TMEM229B: variants seen among roughly 807,000 people sequenced by gnomAD.
The protein encoded by TMEM229B is chromosome 14 open reading frame 83.
Under a neutral mutation model 13.7 loss-of-function variants are expected in TMEM229B, and 6 were observed. The observed-to-expected ratio is 0.44, with a 90% CI of 0.24 to 0.86. The LOEUF (loss-of-function observed/expected upper bound fraction) is 0.86, where lower values mean the gene tolerates loss of function less well. Among genes scored for constraint, TMEM229B ranks in the 40% least tolerant of loss-of-function variants. TMEM229B has a pLI of 0.23. For synonymous variants in TMEM229B, 107 were observed against 102.1 expected, an observed-to-expected ratio of 1.05 and a Z score of -0.29; for missense variants, 170 against 236.0, an observed-to-expected ratio of 0.72 and a Z score of 1.83.
chr14:67,515,407 C>CCGG (rs552146261), exon 1 of TMEM229B: 14,228 of 178,774 alleles, frequency 0.08, 613 homozygotes, highest in South Asian at 0.16. Flanking sequence ...AAAGGAGCCC[C>CCGG]CGGCGGCGGC....
chr14:67,482,538 CA>C (rs1337654881), intron 2 of TMEM229B, among the ~76,000 whole-genome samples: 1 of 152,212 alleles, frequency 6.6e-6, no homozygotes, highest in Non-Finnish European at 1.5e-5. Flanking sequence ...CCACCCCCAT[CA>C]CTACAGTTCC....
chr14:67,531,181 T>C (rs1238035074), intron 1 of TMEM229B, among the ~76,000 whole-genome samples: 1 of 152,144 alleles, frequency 6.6e-6, no homozygotes, highest in Non-Finnish European at 1.5e-5. Flanking sequence ...CCTGGGAGGC[T>C]GAGGCAGAAG....
intron 2 of TMEM229B, among the ~76,000 whole-genome samples, chr14:67,479,190 G>A (rs2031421538): frequency 6.6e-6 from 1 of 152,042 alleles, no homozygotes; most frequent in African/African-American, 2.4e-5. Flanking sequence ...GGTGGATCAT[G>A]AGGTCAGGAG....
intron 1 of TMEM229B, among the ~76,000 whole-genome samples, chr14:67,495,195 G>T (rs541437773): frequency 1.3e-5 from 2 of 152,184 alleles, no homozygotes; most frequent in African/African-American, 4.8e-5. Flanking sequence ...GTCTCCACTG[G>T]GCACAAAAAT....
At chr14:67,499,386 C>A (rs145455794) in intron 1 of TMEM229B, among the ~76,000 whole-genome samples, 89 of 152,242 alleles carry the variant, frequency 5.8e-4, no homozygotes, top group Middle Eastern at 6.8e-3. Flanking sequence ...AGTTTGGCAC[C>A]TTTGGGAAAT....
rs1219628942 is a variant in TMEM229B at position 67,470,546 on chromosome 14, G to A, written c.*2874C>T. The A allele has an allele frequency of 6.6e-6, 1 of 152,602 alleles. No homozygotes were observed. Among genetic ancestry groups the A allele is most frequent in the Non-Finnish European group, 1.5e-5 (1 of 68,056 alleles). 9.5% of individuals were successfully genotyped at this position (152,602 alleles called of 1,614,324 possible). On this transcript the variant is annotated 3_prime_UTR_variant, in exon 3 of 3. Transcript: ENST00000554480. ...CTCTAACCTGTCTGCATCCCAGGGT[G>A]ATGCCTACACAGCCCAGGGCTTCAT... is the stretch of plus-strand genomic sequence containing the variant.
chr14:67,513,138 T>C (rs2033082691), intron 1 of TMEM229B, among the ~76,000 whole-genome samples: 1 of 152,212 alleles, frequency 6.6e-6, no homozygotes, highest in Non-Finnish European at 1.5e-5. Flanking sequence ...ATTTCCCATC[T>C]TAAGGTCAGT....
rs77783456 is a variant in TMEM229B at position 67,531,975 on chromosome 14, G to A, written c.-192+1661C>T. On this transcript the variant is annotated intron_variant, in intron 1 of 2. Transcript: ENST00000554278. ...GTCTTCTTAGCAAAATCCAGAGAAC[G>A]TGTTTTTGGGCTTCCTTATGCAACT... 7.7e-4 allele frequency among the ~76,000 whole-genome samples: 116 copies of A among 151,326 alleles called. No individual in the cohort carries two copies. The East Asian group carries it at 0.02, about 26-fold the overall frequency.
At chr14:67,482,459 T>C (rs2031640999) in intron 2 of TMEM229B, among the ~76,000 whole-genome samples, 1 of 152,186 alleles carries the variant, frequency 6.6e-6, no homozygotes, top group African/African-American at 2.4e-5. Flanking sequence ...TCCCCTCCCA[T>C]GCAACCGGGC....
intron 2 of TMEM229B, among the ~76,000 whole-genome samples, chr14:67,485,427 A>G (rs111615289): frequency 0.018 from 2,803 of 152,318 alleles, 98 homozygotes; most frequent in African/African-American, 0.064. Flanking sequence ...GTCAACTAGG[A>G]GAGTCAAGAT....
chr14:67,527,175 A>G (rs2033380618), intron 1 of TMEM229B, among the ~76,000 whole-genome samples: 1 of 152,196 alleles, frequency 6.6e-6, no homozygotes, highest in Admixed American at 6.5e-5. Context: ...CTGAGTGGCT[A>G]AAGGCGTGGT....
intron 2 of TMEM229B, among the ~76,000 whole-genome samples, chr14:67,478,674 A>G (rs2031381125): frequency 6.6e-6 from 1 of 152,166 alleles, no homozygotes; most frequent in African/African-American, 2.4e-5. Flanking sequence ...CCTGTCCTCC[A>G]GATCTCTACC....
chr14:67,477,038 C>G (rs780465761), intron 2 of TMEM229B, among the ~76,000 whole-genome samples: 1 of 152,060 alleles, frequency 6.6e-6, no homozygotes, highest in African/African-American at 2.4e-5. Flanking sequence ...TGGTGGCATG[C>G]GCCTATAATC....
At position 67,514,180 on chromosome 14, in the gene TMEM229B, C is replaced by G. The variant is rs575802111; in HGVS notation, c.-192+906G>C. On this transcript the variant is annotated intron_variant, in intron 1 of 2. Coordinates refer to the TMEM229B transcript ENST00000357461. ...TCCAGGGAGAGCCTTGAGCAGTGCCCGAACACTCTGCCCTCCTATCTCCAA... is the reference window on the plus strand; with the variant it reads ...TCCAGGGAGAGCCTTGAGCAGTGCCGGAACACTCTGCCCTCCTATCTCCAA... 2.6e-4 allele frequency among the ~76,000 whole-genome samples: 40 copies of G among 152,274 alleles called. No homozygotes were observed. In the South Asian group the frequency reaches 6.0e-3, roughly 23 times the overall value.
intron 2 of TMEM229B, among the ~76,000 whole-genome samples, chr14:67,476,854 A>T (rs1388959910): frequency 6.6e-6 from 1 of 152,148 alleles, no homozygotes; most frequent in Non-Finnish European, 1.5e-5. Context: ...GGCTGGGCAC[A>T]GTGGCTCACG....
At chr14:67,524,085 C>T (rs2033331268) in intron 1 of TMEM229B, among the ~76,000 whole-genome samples, 1 of 151,990 alleles carries the variant, frequency 6.6e-6, no homozygotes, top group Non-Finnish European at 1.5e-5. Context: ...TTGTAAATGC[C>T]CTGTAGTTGT....
intron 1 of TMEM229B, among the ~76,000 whole-genome samples, chr14:67,512,885 A>G (rs1369449750): frequency 6.6e-6 from 1 of 152,204 alleles, no homozygotes; most frequent in Non-Finnish European, 1.5e-5. Context: ...GATAAAAACT[A>G]CACTTTTAAA....
chr14:67,504,991 T>C (rs1381001646), intron 1 of TMEM229B, among the ~76,000 whole-genome samples: 1 of 152,236 alleles, frequency 6.6e-6, no homozygotes, highest in Non-Finnish European at 1.5e-5. Flanking sequence ...TGCGTTTGGA[T>C]ATTTTTTAAA....
At chr14:67,486,029 T>C (rs796569782) in intron 2 of TMEM229B, among the ~76,000 whole-genome samples, 6 of 152,316 alleles carry the variant, frequency 3.9e-5, no homozygotes, top group African/African-American at 7.2e-5. Context: ...AGGTGATGCA[T>C]GGTCCTCACT....
Sources: gnomAD v4.1 joint callset for allele counts (sites outside exome capture counted in the v4.1 genomes callset) on GRCh38, gnomAD v4.1.1 for gene constraint, MANE v1.5 for transcripts, NCBI Gene and HGNC (gene_info 2026-07-23, HGNC 2026-07-21) for gene names.